The following LVRN variants were observed in gnomAD, a reference collection of about 807,000 sequenced individuals.
LVRN encodes the protein laeverin, also known as aminopeptidase Q.
LVRN carries 99 observed loss-of-function variants against 111.4 expected under a neutral mutation model. The ratio of observed to expected loss-of-function variants is 0.89; its 90% CI spans 0.76 to 1.05. The LOEUF is 1.05. Among genes scored for constraint, LVRN ranks in the 50% least tolerant of loss-of-function variants. LVRN has a pLI of 0.00. For synonymous variants in LVRN, 488 were observed against 449.5 expected, an observed-to-expected ratio of 1.09 and a Z score of -1.08; for missense variants, 1,414 against 1,206.8, an observed-to-expected ratio of 1.17 and a Z score of -2.54.
rs1747757794 is a variant in LVRN, at chr5:115,983,316, C to T, written c.725C>T (p.Thr242Ile). ...CTGTTAGCGTCCCAGCTGGAACCAA[C>T]ATTTGCCAGGTATGTTTTCCCTTGT... ...RALLASQLEP[T>I]FARYVFPCFD... The change falls in exon 2 of 20, where the codon ACA becomes ATA. Residue 242 changes from threonine (T) to isoleucine (I), a missense_variant. Thr to Ile is a moderately conservative substitution (Grantham distance 89). Transcript: ENST00000357872. 2.5e-6 allele frequency: 4 copies of T among 1,606,336 alleles called. No individual in the cohort carries two copies. Among genetic ancestry groups the T allele is most frequent in the Non-Finnish European group, 3.4e-6 (4 of 1,177,794 alleles).
intron 1 of LVRN, among the ~76,000 whole-genome samples, chr5:115,979,571 A>G (rs527722169): frequency 2.0e-5 from 3 of 152,270 alleles, no homozygotes; most frequent in African/African-American, 7.2e-5. Flanking sequence ...TTTATTTTGA[A>G]AATCTTCATA....
Position 116,000,452 on chromosome 5 carries a change from T to C in LVRN, c.1535T>C (p.Met512Thr), listed in dbSNP as rs1748214305. The change falls in exon 8 of 20, where the codon ATG (methionine) becomes ACG (threonine). Residue 512 changes from methionine (M) to threonine (T), a missense_variant. By Grantham distance (81) the Met-to-Thr change is moderately conservative (BLOSUM62 -1). Coordinates refer to ENST00000357872, the MANE Select transcript of LVRN (RefSeq NM_173800.5). ...TCCTAGGGAGCGTCTATGGCCCGGA[T>C]GCTTTCTTGTTTCTTGAATGAGCAT... ...TYSKGASMAR[M>T]LSCFLNEHLF... is the part of the protein sequence containing the mutation. 6.2e-7 allele frequency: 1 copy of C among 1,614,212 alleles called. No homozygotes were observed. Among genetic ancestry groups the C allele is most frequent in the African/African-American group, 1.3e-5 (1 of 75,064 alleles).
chr5:115,996,959 T>G (rs1748126352), intron 6 of LVRN, among the ~76,000 whole-genome samples: 1 of 152,230 alleles, frequency 6.6e-6, no homozygotes, highest in Non-Finnish European at 1.5e-5. Context: ...TTGAGACAAC[T>G]ACCACTAACT....
chr5:115,979,089 G>A (rs773427800), intron 1 of LVRN, among the ~76,000 whole-genome samples: 131 of 152,164 alleles, frequency 8.6e-4, no homozygotes, highest in Admixed American at 2.6e-3. Flanking sequence ...GGCTCTACTG[G>A]ACTAAATCAA....
chr5:115,987,938 AG>A lies in LVRN; in HGVS notation c.1105+1del. On this transcript the variant is annotated frameshift_variant and splice_region_variant, in exon 4 of 20. Coordinates refer to ENST00000357872, the MANE Select transcript of LVRN (RefSeq NM_173800.5). LOFTEE classifies it high-confidence loss of function. ...FNISYSLPKT[D>X]IIALPSFDNH... is the part of the protein sequence containing the mutation. ...ATATCAGTTACTCTCTTCCAAAAAC[AG>A]GTGAGGTAATCTTTTCCTTTCAGTG... is the stretch of plus-strand genomic sequence containing the variant. 4 of 1,609,232 alleles carry A rather than the reference AG, an allele frequency of 2.5e-6. No homozygotes were observed. Among genetic ancestry groups the A allele is most frequent in the African/African-American group, 1.3e-5 (1 of 74,648 alleles).
chr5:116,000,037 G>A, intron 7 of LVRN, 135 bp downstream of exon 7: 2 of 986,128 alleles, frequency 2.0e-6, no homozygotes, highest in African/African-American at 1.7e-5. Context: ...CAATACATAG[G>A]TATCAGAAAA....
intron 11 of LVRN, 143 bp downstream of exon 11, chr5:116,003,054 A>G: frequency 4.3e-6 from 4 of 928,136 alleles, no homozygotes; most frequent in South Asian, 3.7e-5. Context: ...TTTAAAGAAA[A>G]GTGTCAAATC....
intron 12 of LVRN, among the ~76,000 whole-genome samples, chr5:116,005,374 A>C (rs1561565458): frequency 6.6e-6 from 1 of 152,232 alleles, no homozygotes; most frequent in Admixed American, 6.5e-5. Context: ...CAGAAGTCTA[A>C]AGAATCACAC....
At chr5:115,993,018 G>A (rs991216104) in intron 5 of LVRN, among the ~76,000 whole-genome samples, 12 of 152,202 alleles carry the variant, frequency 7.9e-5, no homozygotes, top group African/African-American at 2.9e-4. Flanking sequence ...ACAATCACAA[G>A]TTTTATTAAG....
chr5:115,970,845 C>T (rs1399766838), intron 1 of LVRN, among the ~76,000 whole-genome samples: 2 of 152,164 alleles, frequency 1.3e-5, no homozygotes, highest in Non-Finnish European at 2.9e-5. Context: ...TACTCATATA[C>T]AAGTCTTTTT....
chr5:115,973,011 C>G (rs1580376749), intron 1 of LVRN, among the ~76,000 whole-genome samples: 2 of 152,082 alleles, frequency 1.3e-5, no homozygotes, highest in Admixed American at 1.3e-4. Context: ...TCACTACAGC[C>G]TTGACTTCCA....
chr5:115,994,063 A>C (rs116269680), intron 6 of LVRN, among the ~76,000 whole-genome samples: 1 of 152,024 alleles, frequency 6.6e-6, no homozygotes, highest in South Asian at 2.1e-4. Context: ...TGGGAATTAC[A>C]TAAAATTTTG....
In LVRN at chr5:115,962,646, A is replaced by T; in HGVS notation, c.29A>T (p.Tyr10Phe). Residue 10 changes from tyrosine to phenylalanine, a missense_variant, in exon 1 of 20, where the codon TAT (tyrosine) becomes TTT (phenylalanine). Coordinates refer to ENST00000357872, the MANE Select transcript of LVRN (RefSeq NM_173800.5). ...GGGCCCCCTTCCAGCTCAGGCTTCT[A>T]TGTGAGCCGCGCAGTGGCCCTGCTG... Reference protein sequence around the residue: MGPPSSSGFYVSRAVALLLA... With the variant: MGPPSSSGFFVSRAVALLLA... 6.2e-7 allele frequency: 1 copy of T among 1,606,222 alleles called. No individual in the cohort carries two copies. The highest frequency in any genetic ancestry group is 1.1e-5 in the South Asian group (1 of 90,776).
At chr5:115,972,960 CT>C (rs1385230953) in intron 1 of LVRN, among the ~76,000 whole-genome samples, 44 of 151,564 alleles carry the variant, frequency 2.9e-4, no homozygotes, top group African/African-American at 1.1e-3. Context: ...CAGGGTCTCA[CT>C]TCTGGTGCCC....
At chr5:115,985,478 A>G (rs1024325105) in intron 3 of LVRN, among the ~76,000 whole-genome samples, 6 of 152,168 alleles carry the variant, frequency 3.9e-5, no homozygotes, top group African/African-American at 1.4e-4. Context: ...TGATTTCCAG[A>G]ACAACAAGGG....
rs1379845796 is a variant in LVRN at position 115,969,609 on chromosome 5, A to G, written c.695+6297A>G. ...TCAGGAGATCAAGACCATCCTGGCT[A>G]ACACAGTGAAACCCCGTCTCTACTA... On this transcript the variant is annotated intron_variant, in intron 1 of 19. Transcript: ENST00000357872. Among the ~76,000 whole-genome samples the G allele has an allele frequency of 2.0e-5, 3 of 151,972 alleles. No individual in the cohort carries two copies. The East Asian group carries it at 5.8e-4, about 29-fold the overall frequency.
intron 14 of LVRN, among the ~76,000 whole-genome samples, chr5:116,012,001 ATT>A (rs1382437625): frequency 1.3e-5 from 2 of 151,996 alleles, no homozygotes; most frequent in Non-Finnish European, 2.9e-5. Flanking sequence ...GCTATTTTAT[ATT>A]TTTACATTTC....
intron 4 of LVRN, among the ~76,000 whole-genome samples, chr5:115,990,263 C>G (rs745609237): frequency 1.3e-5 from 2 of 152,142 alleles, no homozygotes; most frequent in African/African-American, 4.8e-5. Context: ...TCCCTGTAGG[C>G]TATATGCCAG....
intron 4 of LVRN, among the ~76,000 whole-genome samples, chr5:115,988,507 G>A (rs1747917918): frequency 6.6e-6 from 1 of 152,126 alleles, no homozygotes; most frequent in African/African-American, 2.4e-5. Context: ...TCTTAAAATT[G>A]TATGAGCCAC....
Sources: gnomAD v4.1 joint callset for allele counts (sites outside exome capture counted in the v4.1 genomes callset) on GRCh38, gnomAD v4.1.1 for gene constraint, MANE v1.5 for transcripts, NCBI Gene and HGNC (gene_info 2026-07-23, HGNC 2026-07-21) for gene names.